Variants in SPAG16 observed in about 807,000 individuals in gnomAD.
SPAG16 encodes the protein sperm-associated antigen 16 protein.
Under a neutral mutation model 80.4 loss-of-function variants are expected in SPAG16, and 86 were observed. The observed-to-expected ratio is 1.07, with a 90% CI of 0.90 to 1.28. The LOEUF (loss-of-function observed/expected upper bound fraction) is 1.28. Among genes scored for constraint, SPAG16 ranks in the 50% most tolerant of loss-of-function variants. SPAG16 has a pLI of 0.00. For synonymous variants in SPAG16, 294 were observed against 265.9 expected (o/e 1.11, Z -1.03); for missense variants, 870 against 765.3 (o/e 1.14, Z -1.61).
intron 10 of SPAG16, among the ~76,000 whole-genome samples, chr2:213,712,821 A>G (rs1332244270): frequency 6.6e-6 from 1 of 152,166 alleles, no homozygotes; most frequent in East Asian, 1.9e-4. Context: ...TTGTCTTTTA[A>G]AAGGTAAGAA....
intron 11 of SPAG16, among the ~76,000 whole-genome samples, chr2:213,913,364 T>A (rs915390955): frequency 3.9e-5 from 6 of 152,036 alleles, no homozygotes; most frequent in African/African-American, 1.4e-4. Context: ...ATCTGGAGAT[T>A]GTATATGTTG....
chr2:213,875,285 A>G (rs1037052569), intron 11 of SPAG16, among the ~76,000 whole-genome samples: 1 of 152,064 alleles, frequency 6.6e-6, no homozygotes, highest in South Asian at 2.1e-4. Flanking sequence ...GAATGGATGC[A>G]CTCATTGAAA....
intron 13 of SPAG16, among the ~76,000 whole-genome samples, chr2:214,053,714 C>T (rs1009623057): frequency 6.6e-6 from 1 of 152,140 alleles, no homozygotes; most frequent in Non-Finnish European, 1.5e-5. Context: ...CACAACAGTA[C>T]AAGTGATGAA....
At chr2:213,907,391 G>A (rs534040035) in intron 11 of SPAG16, among the ~76,000 whole-genome samples, 13 of 151,572 alleles carry the variant, frequency 8.6e-5, no homozygotes, top group African/African-American at 2.9e-4. Flanking sequence ...ATGCTGGTGA[G>A]AATGCAGAGA....
At chr2:213,319,587 T>C (rs2063533868) in intron 5 of SPAG16, among the ~76,000 whole-genome samples, 2 of 151,968 alleles carry the variant, frequency 1.3e-5, no homozygotes, top group African/African-American at 4.8e-5. Context: ...ATTCATCTAA[T>C]GGATTCACTG....
chr2:213,433,707 C>A (rs1231879971), intron 9 of SPAG16, among the ~76,000 whole-genome samples: 1 of 152,032 alleles, frequency 6.6e-6, no homozygotes, highest in East Asian at 1.9e-4. Context: ...CAATTCCTAT[C>A]AAAATACCAA....
intron 9 of SPAG16, among the ~76,000 whole-genome samples, chr2:213,447,405 C>CT (rs1259659803): frequency 1.3e-5 from 2 of 152,254 alleles, no homozygotes; most frequent in African/African-American, 4.8e-5. Context: ...ACTTTTCTGT[C>CT]TGTTATCCCC....
At chr2:213,292,379 C>T (rs1264539341) in intron 1 of SPAG16, among the ~76,000 whole-genome samples, 2 of 152,094 alleles carry the variant, frequency 1.3e-5, no homozygotes, top group African/African-American at 4.8e-5. Flanking sequence ...ATAAAACTAT[C>T]AGAGGCCGGG....
At chr2:213,777,568 G>C (rs2069679328) in intron 10 of SPAG16, among the ~76,000 whole-genome samples, 1 of 152,046 alleles carries the variant, frequency 6.6e-6, no homozygotes, top group African/African-American at 2.4e-5. Flanking sequence ...TCCACGCCTG[G>C]CTAATTTTTT....
At chr2:213,624,500 G>A (rs2061891772) in intron 10 of SPAG16, among the ~76,000 whole-genome samples, 1 of 151,850 alleles carries the variant, frequency 6.6e-6, no homozygotes. Flanking sequence ...ATAGCCCTGG[G>A]GCCTTGGAAG....
intron 10 of SPAG16, among the ~76,000 whole-genome samples, chr2:213,825,227 G>T (rs1335839001): frequency 6.6e-6 from 1 of 151,892 alleles, no homozygotes; most frequent in Non-Finnish European, 1.5e-5. Context: ...TCTTTATCTT[G>T]TCTGATTGCT....
intron 10 of SPAG16, among the ~76,000 whole-genome samples, chr2:213,754,111 T>G (rs764865377): frequency 6.6e-6 from 1 of 152,190 alleles, no homozygotes; most frequent in Non-Finnish European, 1.5e-5. Context: ...CTGTTCCAAC[T>G]CTTAGACTTC....
chr2:214,259,003 A>C (rs537585003), intron 15 of SPAG16, among the ~76,000 whole-genome samples: 1 of 152,160 alleles, frequency 6.6e-6, no homozygotes, highest in South Asian at 2.1e-4. Flanking sequence ...CTTTGCTATT[A>C]ATAGTTCCAA....
rs1487260300 is a variant in SPAG16 at position 214,275,356 on chromosome 2, C to T, written c.1720+126090C>T. Among the ~76,000 whole-genome samples, 6 of 151,948 alleles carry T rather than the reference C, an allele frequency of 3.9e-5. No homozygotes were observed. In the East Asian group the frequency reaches 1.2e-3, roughly 29 times the overall value. ...TCTGCTAGCTTTTGAATTTGTTTGGCCTTGCTTCTCTAGTTCTCTTAATTG... is the reference window on the plus strand; with the variant it reads ...TCTGCTAGCTTTTGAATTTGTTTGGTCTTGCTTCTCTAGTTCTCTTAATTG... On this transcript the variant is annotated intron_variant, in intron 15 of 15. Transcript: ENST00000331683.
chr2:214,335,224 G>A (rs1208325185), intron 15 of SPAG16, among the ~76,000 whole-genome samples: 1 of 151,994 alleles, frequency 6.6e-6, no homozygotes, highest in Non-Finnish European at 1.5e-5. Context: ...AGCTGTCTTT[G>A]GCCAAATAAA....
chr2:213,738,359 A>T (rs2125446712), intron 10 of SPAG16, among the ~76,000 whole-genome samples: 1 of 152,316 alleles, frequency 6.6e-6, no homozygotes, highest in Non-Finnish European at 1.5e-5. Context: ...AAGGTAGGAG[A>T]TTAATGACCA....
rs1165853142 is a variant in SPAG16, at chr2:213,859,178, C to CAAAAAAAAAAAAAAAAAAAAAAA, written c.1071-3291_1071-3269dup. On this transcript the variant is annotated intron_variant, in intron 10 of 15. Transcript: ENST00000331683. ...TGGGCAACAGAGCGACACTCCGTCT[C>CAAAAAAAAAAAAAAAAAAAAAAA]AAAAAAAAAAAAAAAAAAAAAAAAA... is the stretch of plus-strand genomic sequence containing the variant. Among the ~76,000 whole-genome samples, 11 of 9,378 alleles carry CAAAAAAAAAAAAAAAAAAAAAAA rather than the reference C, an allele frequency of 1.2e-3. 3 individuals are homozygous for CAAAAAAAAAAAAAAAAAAAAAAA. Among genetic ancestry groups the CAAAAAAAAAAAAAAAAAAAAAAA allele is most frequent in the African/African-American group, 2.5e-3 (5 of 2,036 alleles). The allele number at this position is 9,378 out of a possible 152,430, so 6.2% of individuals were successfully genotyped here.
At chr2:213,731,163 T>TG (rs1247058658) in intron 10 of SPAG16, among the ~76,000 whole-genome samples, 2 of 147,576 alleles carry the variant, frequency 1.4e-5, no homozygotes, top group East Asian at 2.0e-4. Context: ...GTTTTTTTTT[T>TG]TTTTTTTTTT....
intron 10 of SPAG16, among the ~76,000 whole-genome samples, chr2:213,730,504 C>G (rs1328055790): frequency 2.0e-5 from 3 of 152,156 alleles, no homozygotes; most frequent in Non-Finnish European, 4.4e-5. Flanking sequence ...TCAATACTTT[C>G]AATAACTCAC....
Sources: gnomAD v4.1 joint callset for allele counts (sites outside exome capture counted in the v4.1 genomes callset) on GRCh38, gnomAD v4.1.1 for gene constraint, MANE v1.5 for transcripts, NCBI Gene and HGNC (gene_info 2026-07-23, HGNC 2026-07-21) for gene names.